Variants in GPM6A observed in about 807,000 individuals in gnomAD.
The protein encoded by GPM6A is glycoprotein M6A, also known as neuronal membrane glycoprotein M6-a.
In GPM6A, 7 loss-of-function variants were observed where a neutral mutation model predicts 32.1. That is an observed-to-expected ratio of 0.22 (90% CI 0.12 to 0.41). GPM6A has a LOEUF of 0.41. Ranked by LOEUF, GPM6A falls within the 10% of genes least tolerant of loss-of-function variation. The pLI, the probability that GPM6A is intolerant of heterozygous loss-of-function variation, is 1.00. For synonymous variants in GPM6A, 130 were observed against 123.4 expected, an observed-to-expected ratio of 1.05 and a Z score of -0.35; for missense variants, 235 against 347.2, an observed-to-expected ratio of 0.68 and a Z score of 2.57.
chr4:175,845,524 C>T (rs1009675990), intron 1 of GPM6A, among the ~76,000 whole-genome samples: 2 of 151,982 alleles, frequency 1.3e-5, no homozygotes, highest in African/African-American at 2.4e-5. Context: ...ATAGAGTTAC[C>T]GTTGTGCTTA....
At chr4:175,959,401 G>A (rs1740094206) in intron 1 of GPM6A, among the ~76,000 whole-genome samples, 1 of 151,886 alleles carries the variant, frequency 6.6e-6, no homozygotes, top group African/African-American at 2.4e-5. Flanking sequence ...CATGCATCTA[G>A]AAATGATCCT....
chr4:175,853,453 TAAATAATA>T (rs1318127381), intron 1 of GPM6A, among the ~76,000 whole-genome samples: 1 of 151,208 alleles, frequency 6.6e-6, no homozygotes, highest in Non-Finnish European at 1.5e-5. Flanking sequence ...AAGGAAGTAT[TAAATAATA>T]GTGCAACACA....
chr4:175,649,874 T>C (rs1741680266), intron 4 of GPM6A, among the ~76,000 whole-genome samples: 1 of 152,232 alleles, frequency 6.6e-6, no homozygotes, highest in Non-Finnish European at 1.5e-5. Context: ...CAAATTTAAC[T>C]GGGTGCCCTG....
At chr4:175,754,756 T>C (rs1732464582) in intron 1 of GPM6A, among the ~76,000 whole-genome samples, 1 of 152,150 alleles carries the variant, frequency 6.6e-6, no homozygotes, top group Admixed American at 6.6e-5. Context: ...AAGGCTAGTG[T>C]AGAGCTGTAA....
intron 2 of GPM6A, among the ~76,000 whole-genome samples, chr4:175,677,503 A>T (rs1743438874): frequency 6.6e-6 from 1 of 152,170 alleles, no homozygotes; most frequent in African/African-American, 2.4e-5. Context: ...GGGGGGGAAG[A>T]AAAAAAGAAA....
At chr4:175,882,834 A>C (rs181272584) in intron 1 of GPM6A, among the ~76,000 whole-genome samples, 132 of 152,228 alleles carry the variant, frequency 8.7e-4, no homozygotes, top group Non-Finnish European at 1.5e-3. Context: ...GCAGTGATTA[A>C]TCTTCCAGTG....
At chr4:175,812,326 T>TTG, upstream of GPM6A, 1 of 1,385,958 alleles carries the variant, frequency 7.2e-7, no homozygotes, top group Non-Finnish European at 9.3e-7. Context: ...TTTTTTTTTT[T>TTG]TTTTTTTTTT....
intron 1 of GPM6A, among the ~76,000 whole-genome samples, chr4:175,903,598 G>A (rs1436541010): frequency 2.0e-5 from 3 of 152,130 alleles, no homozygotes; most frequent in African/African-American, 4.8e-5. Context: ...CTCCTGATGT[G>A]ATGCACTGGG....
At chr4:175,647,698 A>C (rs1168047811) in intron 4 of GPM6A, among the ~76,000 whole-genome samples, 1 of 152,180 alleles carries the variant, frequency 6.6e-6, no homozygotes, top group Non-Finnish European at 1.5e-5. Context: ...GCAACAAGGG[A>C]AATTAAAGTA....
At chr4:175,702,118 GGTT>G (rs1744913514) in intron 1 of GPM6A, among the ~76,000 whole-genome samples, 3 of 151,962 alleles carry the variant, frequency 2.0e-5, no homozygotes, top group Non-Finnish European at 4.4e-5. Context: ...ACATGCTTAT[GGTT>G]TTATTTCAAT....
At chr4:175,949,476 T>C (rs972186438) in intron 1 of GPM6A, among the ~76,000 whole-genome samples, 1 of 152,178 alleles carries the variant, frequency 6.6e-6, no homozygotes, top group African/African-American at 2.4e-5. Flanking sequence ...AAAGTCAAAG[T>C]AATATAAATT....
intron 1 of GPM6A, among the ~76,000 whole-genome samples, chr4:175,893,256 T>C (rs796253609): frequency 6.6e-6 from 1 of 152,198 alleles, no homozygotes; most frequent in South Asian, 2.1e-4. Flanking sequence ...TTGAACTTTA[T>C]TGATAATACT....
intron 1 of GPM6A, among the ~76,000 whole-genome samples, chr4:175,997,464 T>C (rs983662941): frequency 1.9e-5 from 2 of 102,996 alleles, no homozygotes; most frequent in Admixed American, 8.6e-5. Context: ...TCTTTACATG[T>C]TTTTTTTTTC....
At chr4:175,824,808 C>T (rs1735383461) in intron 1 of GPM6A, among the ~76,000 whole-genome samples, 1 of 152,064 alleles carries the variant, frequency 6.6e-6, no homozygotes, top group Non-Finnish European at 1.5e-5. Flanking sequence ...TTCTATTTTA[C>T]AGGGTATAAG....
chr4:175,888,773 A>G (rs1737542001), intron 1 of GPM6A, among the ~76,000 whole-genome samples: 1 of 152,146 alleles, frequency 6.6e-6, no homozygotes, highest in Non-Finnish European at 1.5e-5. Context: ...ATAATTGTAT[A>G]AACTAAATGC....
rs942050896 is a variant in GPM6A at position 175,735,844 on chromosome 4, A to G, written c.38-34077T>C. On this transcript the variant is annotated intron_variant, in intron 1 of 6. Transcript: ENST00000393658. ...CAAAGTGCTGGGATTACAGGTGTGA[A>G]CCACTGCCCCCTGTCTATTTATGAA... is the stretch of plus-strand genomic sequence containing the variant. Among the ~76,000 whole-genome samples the G allele has an allele frequency of 6.6e-5, 10 of 152,118 alleles. No homozygotes were observed. In the East Asian group the frequency reaches 1.9e-3, roughly 29 times the overall value.
In GPM6A at chr4:175,942,878, T is replaced by C. The variant is rs1381315691; in HGVS notation, c.-23+59431A>G. Among the ~76,000 whole-genome samples the C allele has an allele frequency of 4.6e-5, 7 of 152,302 alleles. No individual in the cohort carries two copies. In the South Asian group the frequency reaches 8.3e-4, roughly 18 times the overall value. On this transcript the variant is annotated intron_variant, in intron 1 of 7. Coordinates refer to the GPM6A transcript ENST00000280187. ...CTGTACAGGTTCTTTTTTTGTACTA[T>C]ATGAAATTTAAAGTAGTTTTTTTTT...
intron 1 of GPM6A, among the ~76,000 whole-genome samples, chr4:175,920,275 C>T (rs1738623216): frequency 6.6e-6 from 1 of 152,190 alleles, no homozygotes; most frequent in African/African-American, 2.4e-5. Context: ...GATCCCACCT[C>T]TGCTACCAGT....
At chr4:175,838,133 A>G (rs1290511892) in intron 1 of GPM6A, among the ~76,000 whole-genome samples, 1 of 150,176 alleles carries the variant, frequency 6.7e-6, no homozygotes, top group African/African-American at 2.4e-5. Flanking sequence ...ACACACACAC[A>G]CACACACGCA....
Sources: gnomAD v4.1 joint callset for allele counts (sites outside exome capture counted in the v4.1 genomes callset) on GRCh38, gnomAD v4.1.1 for gene constraint, MANE v1.5 for transcripts, NCBI Gene and HGNC (gene_info 2026-07-23, HGNC 2026-07-21) for gene names.